The following DNAAF11 variants were observed in gnomAD, a reference collection of about 807,000 sequenced individuals.
DNAAF11 encodes leucine rich repeat containing 6.
DNAAF11 carries 45 observed loss-of-function variants against 60.8 expected under a neutral mutation model. The observed-to-expected ratio is 0.74, with a 90% CI of 0.58 to 0.95. The LOEUF is 0.95. DNAAF11 is among the 40% of genes least tolerant of loss of function. DNAAF11 has a pLI of 0.00. For synonymous variants in DNAAF11, 191 were observed against 183.5 expected (o/e 1.04, Z -0.33); for missense variants, 546 against 546.2 (o/e 1.00, Z 0.00).
At chr8:132,597,649 T>A (rs149910519) in intron 10 of DNAAF11, among the ~76,000 whole-genome samples, 7 of 152,184 alleles carry the variant, frequency 4.6e-5, no homozygotes, top group African/African-American at 1.7e-4. Flanking sequence ...TTAGAGAGGA[T>A]GCCCATGATT....
chr8:132,654,518 T>C (rs890326453), intron 3 of DNAAF11, among the ~76,000 whole-genome samples: 3 of 151,952 alleles, frequency 2.0e-5, no homozygotes, highest in African/African-American at 4.8e-5. Flanking sequence ...AGAACAAATG[T>C]TGGGCCATAA....
chr8:132,572,565 CA>C, intron 11 of DNAAF11, 85 bp from the exon 12 acceptor site: 1 of 1,011,038 alleles, frequency 9.9e-7, no homozygotes, highest in Non-Finnish European at 1.4e-6. Context: ...TCCATTTATT[CA>C]GCAAACGTTG....
intron 10 of DNAAF11, among the ~76,000 whole-genome samples, chr8:132,608,128 T>C (rs1818302311): frequency 6.6e-6 from 1 of 152,122 alleles, no homozygotes; most frequent in African/African-American, 2.4e-5. Context: ...GTTTTTAAGA[T>C]CCTTGCAAAT....
At chr8:132,603,858 C>T (rs911229796) in intron 10 of DNAAF11, among the ~76,000 whole-genome samples, 5 of 151,812 alleles carry the variant, frequency 3.3e-5, no homozygotes, top group East Asian at 1.9e-4. Context: ...CTGCCAAAGG[C>T]GGGGGCGGAG....
chr8:132,661,910 TGA>T (rs1432316021), intron 1 of DNAAF11, among the ~76,000 whole-genome samples: 1 of 152,142 alleles, frequency 6.6e-6, no homozygotes, highest in East Asian at 1.9e-4. Flanking sequence ...GAGATGGAGT[TGA>T]GAGTTAATGG....
At chr8:132,628,904 C>T (rs138697165) in intron 5 of DNAAF11, among the ~76,000 whole-genome samples, 140 of 152,174 alleles carry the variant, frequency 9.2e-4, no homozygotes, top group African/African-American at 3.2e-3. Context: ...ATTGTATGTG[C>T]CTATTACATA....
chr8:132,688,045 T>C, the DNAAF11 span, among the ~76,000 whole-genome samples: 1 of 152,212 alleles, frequency 6.6e-6, no homozygotes, highest in South Asian at 2.1e-4. Context: ...TCTTTTTTTC[T>C]AATTCTTAAT....
chr8:132,582,350 A>G (rs1443150636), intron 11 of DNAAF11, among the ~76,000 whole-genome samples: 2 of 152,250 alleles, frequency 1.3e-5, no homozygotes, highest in Non-Finnish European at 2.9e-5. Flanking sequence ...GAATCGTGCT[A>G]AGACATCTTG....
intron 10 of DNAAF11, chr8:132,608,607 GTC>G: frequency 2.8e-6 from 1 of 351,096 alleles, no homozygotes; most frequent in Non-Finnish European, 5.9e-6. Flanking sequence ...AATTAGCAGA[GTC>G]TCTATTTAAT....
intron 11 of DNAAF11, among the ~76,000 whole-genome samples, chr8:132,580,248 C>T (rs1228105640): frequency 3.3e-5 from 5 of 152,192 alleles, no homozygotes; most frequent in African/African-American, 1.2e-4. Context: ...CACTCCACTA[C>T]TCAACACTGT....
Position 132,632,902 on chromosome 8 carries a change from A to G in DNAAF11, c.491T>C (p.Val164Ala), listed in dbSNP as rs1237129845. 1 of 1,613,900 alleles carries G rather than the reference A, an allele frequency of 6.2e-7. No homozygotes were observed. The highest frequency in any genetic ancestry group is 1.1e-5 in the South Asian group (1 of 91,066). Reference sequence around the variant, plus strand: ...CTGCTCTCTGATTTGTGGTTCAATTACTGAATAGTCCTGCAATGCCTTAAT... The same window carrying G: ...CTGCTCTCTGATTTGTGGTTCAATTGCTGAATAGTCCTGCAATGCCTTAAT... ...ERIKALQDYS[V>A]IEPQIREQEK... Residue 164 changes from valine (V) to alanine (A), a missense_variant, in exon 5 of 12, where the codon GTA becomes GCA. Transcript: ENST00000620350.
At chr8:132,629,418 G>A (rs1426549169) in intron 5 of DNAAF11, among the ~76,000 whole-genome samples, 2 of 151,014 alleles carry the variant, frequency 1.3e-5, no homozygotes, top group East Asian at 3.9e-4. Flanking sequence ...CCCAATCTCG[G>A]CTCACTGCAA....
the DNAAF11 span, among the ~76,000 whole-genome samples, chr8:132,683,538 C>T: frequency 6.6e-6 from 1 of 152,148 alleles, no homozygotes; most frequent in Non-Finnish European, 1.5e-5. Flanking sequence ...TTATTTGCCC[C>T]TCAGTTTAGC....
the DNAAF11 span, among the ~76,000 whole-genome samples, chr8:132,687,067 A>G: frequency 1.3e-5 from 2 of 152,192 alleles, no homozygotes; most frequent in Admixed American, 6.5e-5. Context: ...TCAATGAACC[A>G]GGAAACATTT....
In DNAAF11 at chr8:132,595,347, G is replaced by GAAAAAAAA. The variant is rs1563992420; in HGVS notation, c.1141-11569_1141-11568insTTTTTTTT. On this transcript the variant is annotated intron_variant, in intron 10 of 11. Transcript: ENST00000620350. ...TTCCCGAAAGAGAGAGAGACAGAGG[G>GAAAAAAAA]GAAAAAAAAAAAAAAAAAAAAAAAA... Among the ~76,000 whole-genome samples, 25 of 40,676 alleles carry GAAAAAAAA rather than the reference G, an allele frequency of 6.1e-4. 8 individuals are homozygous for GAAAAAAAA. The highest frequency in any genetic ancestry group is 8.8e-4 in the Admixed American group (2 of 2,274). The allele number at this position is 40,676 out of a possible 152,430, so 26.7% of individuals were successfully genotyped here. A position where few individuals can be genotyped will look rare whatever the true frequency, so the allele number is the denominator to read the frequency against.
intron 11 of DNAAF11, among the ~76,000 whole-genome samples, chr8:132,580,403 G>A (rs991959480): frequency 6.6e-6 from 1 of 152,200 alleles, no homozygotes; most frequent in Non-Finnish European, 1.5e-5. Context: ...AAAATAATAA[G>A]AGAGATTAGT....
Position 132,572,321 on chromosome 8 carries a change from C to A in DNAAF11, c.1386G>T (p.Val462=). The A allele has an allele frequency of 6.2e-7, 1 of 1,611,880 alleles. No homozygotes were observed. The highest frequency in any genetic ancestry group is 8.5e-7 in the Non-Finnish European group (1 of 1,179,258). ...GCCAGATGTTTCAAATCAGCGGAGGCACTTCAGGGTTGTCTTCAAAGGTTG... is the reference window on the plus strand; with the variant it reads ...GCCAGATGTTTCAAATCAGCGGAGGAACTTCAGGGTTGTCTTCAAAGGTTG... ...EDPTFEDNPE[V]PPLI is the part of the protein sequence containing the mutation. Residue 462 remains valine (V), a synonymous_variant, in exon 12 of 12, where the codon GTG becomes GTT. Coordinates refer to ENST00000620350, the MANE Select transcript of DNAAF11 (RefSeq NM_012472.6).
chr8:132,697,390 G>A, the DNAAF11 span, among the ~76,000 whole-genome samples: 5 of 152,110 alleles, frequency 3.3e-5, no homozygotes, highest in African/African-American at 1.2e-4. Context: ...GGCCGAGGTG[G>A]GCAGATCACT....
chr8:132,657,196 T>C (rs546592364), intron 2 of DNAAF11, among the ~76,000 whole-genome samples: 15 of 152,172 alleles, frequency 9.9e-5, no homozygotes, highest in Non-Finnish European at 2.2e-4. Flanking sequence ...GACAATCCAA[T>C]CTCTCTTGCT....
Sources: gnomAD v4.1 joint callset for allele counts (sites outside exome capture counted in the v4.1 genomes callset) on GRCh38, gnomAD v4.1.1 for gene constraint, MANE v1.5 for transcripts, NCBI Gene and HGNC (gene_info 2026-07-23, HGNC 2026-07-21) for gene names.